The following SP4 variants were observed in gnomAD, a reference collection of about 807,000 sequenced individuals.
The protein encoded by SP4 is Sp4 transcription factor.
SP4 carries 19 observed loss-of-function variants against 72.8 expected under a neutral mutation model. The observed-to-expected ratio is 0.26, with a 90% CI of 0.18 to 0.38. The LOEUF (loss-of-function observed/expected upper bound fraction) is 0.38. Among genes scored for constraint, SP4 ranks in the 10% least tolerant of loss-of-function variants. The pLI is 1.00. For synonymous variants in SP4, 395 were observed against 333.1 expected (o/e 1.19, Z -2.02); for missense variants, 1,008 against 926.3 (o/e 1.09, Z -1.14).
intron 3 of SP4, among the ~76,000 whole-genome samples, chr7:21,452,468 A>G (rs893756891): frequency 6.6e-6 from 1 of 152,204 alleles, no homozygotes; most frequent in Non-Finnish European, 1.5e-5. Flanking sequence ...GACATTCTTT[A>G]CTTGCCACAG....
chr7:21,442,859 CTG>C (rs1783305794), intron 3 of SP4, among the ~76,000 whole-genome samples: 1 of 152,164 alleles, frequency 6.6e-6, no homozygotes, highest in East Asian at 1.9e-4. Flanking sequence ...CCTCAGCCTC[CTG>C]AGTAGCTGAG....
At chr7:21,465,638 C>G (rs576927819) in intron 3 of SP4, among the ~76,000 whole-genome samples, 8 of 152,188 alleles carry the variant, frequency 5.3e-5, no homozygotes, top group Non-Finnish European at 1.2e-4. Context: ...AGGATTCCCT[C>G]TCTCCTACCC....
intron 3 of SP4, among the ~76,000 whole-genome samples, chr7:21,457,753 T>A (rs928981640): frequency 2.0e-5 from 3 of 152,152 alleles, no homozygotes; most frequent in African/African-American, 7.2e-5. Context: ...TGACCCACTG[T>A]TATTTTTTTT....
chr7:21,500,550 C>T (rs776336199), intron 5 of SP4, among the ~76,000 whole-genome samples: 1 of 152,118 alleles, frequency 6.6e-6, no homozygotes, highest in Non-Finnish European at 1.5e-5. Context: ...CTTCCAAAGT[C>T]GTTTGAATTG....
intron 3 of SP4, chr7:21,471,057 T>C (rs1420931532): frequency 1.9e-6 from 1 of 534,630 alleles, no homozygotes; most frequent in African/African-American, 1.9e-5. Context: ...ATTCCAGCTA[T>C]ATTATTCAAA....
In SP4 at chr7:21,428,279, T is replaced by G. The variant is rs755869587; in HGVS notation, c.7+21T>G. 8 of 1,237,678 alleles carry G rather than the reference T, an allele frequency of 6.5e-6. No homozygotes were observed. The South Asian group carries it at 1.0e-4, about 16-fold the overall frequency. The allele number at this position is 1,237,678 out of a possible 1,614,324, so 76.7% of individuals were successfully genotyped here. ...GAGCGGTACGTATTCTCCACCCCCCTCAGTCTCCTTCGCCGCCTCCCTCTC... is the reference window on the plus strand; with the variant it reads ...GAGCGGTACGTATTCTCCACCCCCCGCAGTCTCCTTCGCCGCCTCCCTCTC... On this transcript the variant is annotated intron_variant, in intron 1 of 5. Transcript: ENST00000222584.
chr7:21,511,108 A>T lies in SP4; in HGVS notation c.2194A>T (p.Lys732Ter). ...CAAACATGTCAAAACGCACCAGAAT[A>T]AAAAAGGTGGTGGGACAGCTCTTGC... ...LSKHVKTHQNKKGGGTALAIV... is the reference protein window; with the variant it reads ...LSKHVKTHQN Residue 732 changes from lysine to a stop codon, truncating the protein, a stop_gained, in exon 6 of 6, where the codon AAA becomes TAA. Transcript: ENST00000222584. LOFTEE classifies it high-confidence loss of function. The T allele has an allele frequency of 6.2e-7, 1 of 1,614,010 alleles. No individual in the cohort carries two copies. The highest frequency in any genetic ancestry group is 8.5e-7 in the Non-Finnish European group (1 of 1,179,878).
rs533218517 is a variant in SP4 at position 21,445,178 on chromosome 7, A to C, written c.1678+14335A>C. On this transcript the variant is annotated intron_variant, in intron 3 of 5. Transcript: ENST00000222584. ...ATGTATTCTTTTTTCCCTTTCTTTT[A>C]TTTTTTGAAGAAAAGGGCCCAAAAG... 3.4e-4 allele frequency among the ~76,000 whole-genome samples: 51 copies of C among 152,074 alleles called. 1 individual carries two copies. In the South Asian group the frequency reaches 1.0e-2, roughly 30 times the overall value.
chr7:21,469,855 A>C (rs2128406205), intron 3 of SP4, among the ~76,000 whole-genome samples: 1 of 152,142 alleles, frequency 6.6e-6, no homozygotes, highest in East Asian at 1.9e-4. Flanking sequence ...CTGGGCCTAT[A>C]ATTTTTTAGA....
intron 5 of SP4, among the ~76,000 whole-genome samples, chr7:21,485,031 T>C (rs1784776353): frequency 6.6e-6 from 1 of 151,886 alleles, no homozygotes; most frequent in Admixed American, 6.6e-5. Context: ...TAAAATTGTT[T>C]AATTAAAACA....
chr7:21,481,008 C>G (rs750271794), intron 4 of SP4, among the ~76,000 whole-genome samples: 1 of 152,188 alleles, frequency 6.6e-6, no homozygotes, highest in Non-Finnish European at 1.5e-5. Flanking sequence ...AGCTGAGTGC[C>G]TGGTTGCTGG....
intron 5 of SP4, among the ~76,000 whole-genome samples, chr7:21,502,785 G>GA (rs1202943649): frequency 6.6e-6 from 1 of 152,280 alleles, no homozygotes; most frequent in African/African-American, 2.4e-5. Context: ...CCAGACACTT[G>GA]GGGGGTTGAG....
chr7:21,432,166 TTAAG>T (rs1782880857), intron 3 of SP4, among the ~76,000 whole-genome samples: 2 of 152,206 alleles, frequency 1.3e-5, no homozygotes, highest in Admixed American at 1.3e-4. Context: ...TAATTTTAAT[TTAAG>T]TAGCCACATG....
chr7:21,445,594 G>A (rs1783396733), intron 3 of SP4, among the ~76,000 whole-genome samples: 1 of 152,062 alleles, frequency 6.6e-6, no homozygotes, highest in Non-Finnish European at 1.5e-5. Flanking sequence ...CTTTGTTCTG[G>A]GTGAGTTTTG....
At chr7:21,442,298 C>T (rs1783285938) in intron 3 of SP4, among the ~76,000 whole-genome samples, 2 of 152,100 alleles carry the variant, frequency 1.3e-5, no homozygotes, top group African/African-American at 4.8e-5. Flanking sequence ...CCTCAGCCTT[C>T]CTAAATGCTG....
At chr7:21,507,007 C>A (rs1782015429) in intron 5 of SP4, among the ~76,000 whole-genome samples, 1 of 152,096 alleles carries the variant, frequency 6.6e-6, no homozygotes, top group Admixed American at 6.6e-5. Flanking sequence ...AGACTTCTTG[C>A]CTGGGAGGGT....
intron 5 of SP4, among the ~76,000 whole-genome samples, chr7:21,486,991 G>GT (rs1784832211): frequency 6.6e-6 from 1 of 152,196 alleles, no homozygotes; most frequent in African/African-American, 2.4e-5. Context: ...TTACTGTGAT[G>GT]TTTGAAAGGT....
At chr7:21,455,821 ACT>A (rs1298181892) in intron 3 of SP4, among the ~76,000 whole-genome samples, 7 of 151,898 alleles carry the variant, frequency 4.6e-5, no homozygotes, top group Non-Finnish European at 5.9e-5. Context: ...CCTTAGAGTG[ACT>A]CTCACTTGCA....
At chr7:21,485,248 A>G (rs550654646) in intron 5 of SP4, among the ~76,000 whole-genome samples, 1 of 151,984 alleles carries the variant, frequency 6.6e-6, no homozygotes, top group African/African-American at 2.4e-5. Context: ...TCTAACCACT[A>G]CTACAAATAG....
Sources: gnomAD v4.1 joint callset for allele counts (sites outside exome capture counted in the v4.1 genomes callset) on GRCh38, gnomAD v4.1.1 for gene constraint, MANE v1.5 for transcripts, NCBI Gene and HGNC (gene_info 2026-07-23, HGNC 2026-07-21) for gene names.